The following TNR variants were observed in gnomAD, a reference collection of about 807,000 sequenced individuals.
The protein encoded by TNR is tenascin-R.
A neutral mutation model predicts 150.4 loss-of-function variants in TNR; 45 were observed. That is an observed-to-expected ratio of 0.30 (90% CI 0.24 to 0.38). TNR has a LOEUF of 0.38. Among genes scored for constraint, TNR ranks in the 10% least tolerant of loss-of-function variants. The probability of loss-of-function intolerance (pLI) is 1.00; values close to 1 mark genes in which losing one functional copy is unlikely to be tolerated. For missense variants in TNR, 1,544 were observed against 1,759.1 expected, an observed-to-expected ratio of 0.88 and a Z score of 2.19; for synonymous variants, 687 against 678.4, an observed-to-expected ratio of 1.01 and a Z score of -0.20.
At chr1:175,451,619 A>C (rs1656325541) in intron 2 of TNR, among the ~76,000 whole-genome samples, 1 of 152,218 alleles carries the variant, frequency 6.6e-6, no homozygotes, top group Non-Finnish European at 1.5e-5. Context: ...ACGCCGTCCC[A>C]GAGGAGCAGA....
chr1:175,681,993 T>G (rs563143853), intron 1 of TNR, among the ~76,000 whole-genome samples: 10 of 152,142 alleles, frequency 6.6e-5, no homozygotes, highest in African/African-American at 2.4e-4. Context: ...TTGAGAGCAG[T>G]GCCTTGCAGA....
intron 1 of TNR, among the ~76,000 whole-genome samples, chr1:175,585,289 A>G (rs1252786405): frequency 2.0e-5 from 3 of 152,224 alleles, no homozygotes; most frequent in Admixed American, 2.0e-4. Flanking sequence ...GAATGCAACT[A>G]CTCAAACTTA....
intron 1 of TNR, among the ~76,000 whole-genome samples, chr1:175,567,053 G>T (rs1211516550): frequency 6.6e-6 from 1 of 152,060 alleles, no homozygotes; most frequent in African/African-American, 2.4e-5. Flanking sequence ...AGCCTGAGTT[G>T]CATTTTTAAA....
rs1271331966 is a variant in TNR, at chr1:175,318,784, G to A, written c.*4573C>T. 3 of 152,184 alleles carry A rather than the reference G, an allele frequency of 2.0e-5. No individual in the cohort carries two copies. Among genetic ancestry groups the A allele is most frequent in the Admixed American group, 2.0e-4 (3 of 15,264 alleles). The allele number at this position is 152,184 out of a possible 1,614,324, so 9.4% of individuals were successfully genotyped here. ...TGAAAGCAGACCATCAGGGAAGTGA[G>A]GCAGAGCTGAGTATGCAGCTCCTGG... On this transcript the variant is annotated 3_prime_UTR_variant, in exon 23 of 23. Coordinates refer to ENST00000367674, the MANE Select transcript of TNR (RefSeq NM_003285.3).
At chr1:175,521,776 CT>C (rs1404247331) in intron 2 of TNR, among the ~76,000 whole-genome samples, 2 of 152,158 alleles carry the variant, frequency 1.3e-5, no homozygotes, top group Admixed American at 6.5e-5. Context: ...GAGGTTTTCT[CT>C]GGTCTCCTCC....
At chr1:175,741,326 A>AT in intron 1 of TNR, among the ~76,000 whole-genome samples, 1 of 152,232 alleles carries the variant, frequency 6.6e-6, no homozygotes, top group African/African-American at 2.4e-5. Context: ...GTCACTGAGC[A>AT]CTTTTTTTTC....
intron 1 of TNR, among the ~76,000 whole-genome samples, chr1:175,593,954 T>A (rs985112560): frequency 6.6e-6 from 1 of 152,188 alleles, no homozygotes; most frequent in Non-Finnish European, 1.5e-5. Flanking sequence ...CTGTGGTCAT[T>A]ATTCACCCAT....
chr1:175,395,419 C>A (rs990414193), intron 5 of TNR, among the ~76,000 whole-genome samples: 1 of 152,172 alleles, frequency 6.6e-6, no homozygotes, highest in African/African-American at 2.4e-5. Flanking sequence ...CGGGGGCTTT[C>A]TGAATTCTAG....
At chr1:175,737,636 A>G (rs1330726570) in intron 1 of TNR, among the ~76,000 whole-genome samples, 3 of 152,156 alleles carry the variant, frequency 2.0e-5, no homozygotes, top group African/African-American at 7.2e-5. Context: ...GTCTTTCCTC[A>G]TACCATGCAG....
At chr1:175,585,935 T>C (rs73050429) in intron 1 of TNR, among the ~76,000 whole-genome samples, 4,856 of 152,298 alleles carry the variant, frequency 0.032, 116 homozygotes, top group African/African-American at 0.071. Context: ...CTCCAGCAGC[T>C]AGGATGCCCT....
intron 1 of TNR, among the ~76,000 whole-genome samples, chr1:175,556,108 C>T (rs909834462): frequency 2.0e-5 from 3 of 152,188 alleles, no homozygotes; most frequent in East Asian, 1.9e-4. Context: ...ATAAGAAGAC[C>T]GACGGCCTTT....
chr1:175,698,051 C>T (rs1640893598), intron 1 of TNR, among the ~76,000 whole-genome samples: 2 of 152,196 alleles, frequency 1.3e-5, no homozygotes, highest in African/African-American at 4.8e-5. Context: ...TGAACCTACC[C>T]TCTGTGTTTC....
intron 1 of TNR, among the ~76,000 whole-genome samples, chr1:175,649,043 G>A (rs572662848): frequency 7.2e-5 from 11 of 152,290 alleles, no homozygotes; most frequent in Admixed American, 2.0e-4. Context: ...CCCCATAGCC[G>A]GAGGGATTGC....
intron 5 of TNR, among the ~76,000 whole-genome samples, chr1:175,396,089 G>A (rs1011911509): frequency 6.6e-6 from 1 of 152,214 alleles, no homozygotes; most frequent in African/African-American, 2.4e-5. Context: ...AGGGGATGTT[G>A]TCAGCTGTGG....
chr1:175,657,719 A>G (rs1313625665), intron 1 of TNR, among the ~76,000 whole-genome samples: 5 of 126,150 alleles, frequency 4.0e-5, no homozygotes, highest in African/African-American at 1.2e-4. Context: ...GAACTGAACA[A>G]TGAGAACACA....
At chr1:175,377,425 G>A (rs1001095847) in intron 9 of TNR, among the ~76,000 whole-genome samples, 3 of 150,218 alleles carry the variant, frequency 2.0e-5, no homozygotes, top group African/African-American at 4.9e-5. Context: ...GATGGGCTGC[G>A]CTTAGAATCA....
intron 14 of TNR, among the ~76,000 whole-genome samples, chr1:175,359,982 A>G (rs1651518712): frequency 6.6e-6 from 1 of 152,192 alleles, no homozygotes; most frequent in Non-Finnish European, 1.5e-5. Flanking sequence ...TTAATTCAAT[A>G]ACTTCTTATG....
chr1:175,698,197 C>T lies in TNR; in HGVS notation c.-165+45029G>A, dbSNP rs142703135. On this transcript the variant is annotated intron_variant, in intron 1 of 22. Transcript: ENST00000367674. ...CAATCTAGGTTAGGAAGACAGACAA[C>T]GAACAGTCAAACATACCACATGTCG... Among the ~76,000 whole-genome samples, 233 of 152,278 alleles carry T rather than the reference C, an allele frequency of 1.5e-3. 4 individuals are homozygous for T. The highest frequency in any genetic ancestry group is 5.4e-3 in the African/African-American group (224 of 41,550).
Position 175,599,807 on chromosome 1 carries a change from A to G in TNR, c.-164-71438T>C, listed in dbSNP as rs1663163926. Among the ~76,000 whole-genome samples the G allele has an allele frequency of 6.6e-6, 1 of 152,194 alleles. No homozygotes were observed. Among genetic ancestry groups the G allele is most frequent in the African/African-American group, 2.4e-5 (1 of 41,448 alleles). On this transcript the variant is annotated intron_variant, in intron 1 of 22. Coordinates refer to ENST00000367674, the MANE Select transcript of TNR (RefSeq NM_003285.3). This position sits in a 1 kb window ranked among gnomAD's most constrained non-coding sequence, Gnocchi z 4.7. ...CGTTTTCTGTCCCACTTGAAACCAG[A>G]AAATACACTTCCCAGATAGCAAGGA...
Sources: gnomAD v4.1 joint callset for allele counts (sites outside exome capture counted in the v4.1 genomes callset) on GRCh38, gnomAD v4.1.1 for gene constraint, Gnocchi (gnomAD v3.1) non-coding constraint, MANE v1.5 for transcripts, NCBI Gene and HGNC (gene_info 2026-07-23, HGNC 2026-07-21) for gene names.